Variants in PRKG1 observed in about 807,000 individuals in gnomAD.
The protein encoded by PRKG1 is cGMP-dependent protein kinase 1.
PRKG1 carries 35 observed loss-of-function variants against 88.1 expected under a neutral mutation model. The ratio of observed to expected loss-of-function variants is 0.40; its 90% CI spans 0.30 to 0.53. The LOEUF (loss-of-function observed/expected upper bound fraction) is 0.53, where lower values mean the gene tolerates loss of function less well. Among genes scored for constraint, PRKG1 ranks in the 20% least tolerant of loss-of-function variants. PRKG1 has a pLI of 0.59. For missense variants in PRKG1, 540 were observed against 839.8 expected (o/e 0.64, Z 4.41); for synonymous variants, 303 against 292.5 (o/e 1.04, Z -0.37).
chr10:51,870,869 G>T (rs535072053), intron 4 of PRKG1, among the ~76,000 whole-genome samples: 1 of 152,162 alleles, frequency 6.6e-6, no homozygotes, highest in South Asian at 2.1e-4. Context: ...AAAATTTCTG[G>T]ATTTGTAACA....
chr10:51,294,230 C>G (rs914987666), intron 2 of PRKG1, among the ~76,000 whole-genome samples: 1 of 152,036 alleles, frequency 6.6e-6, no homozygotes, highest in African/African-American at 2.4e-5. Flanking sequence ...GATGCATTCT[C>G]ACTTGTATAT....
At chr10:52,151,940 C>T (rs930071724) in intron 8 of PRKG1, among the ~76,000 whole-genome samples, 1 of 152,134 alleles carries the variant, frequency 6.6e-6, no homozygotes. Context: ...TAATTACCCT[C>T]ATTTAATGTC....
chr10:51,307,075 A>G (rs918418894), intron 2 of PRKG1, among the ~76,000 whole-genome samples: 29 of 152,084 alleles, frequency 1.9e-4, no homozygotes, highest in Non-Finnish European at 3.7e-4. Context: ...AGAAATATCA[A>G]CAAACTTGCA....
intron 5 of PRKG1, among the ~76,000 whole-genome samples, chr10:51,990,912 G>A (rs1456501196): frequency 6.6e-6 from 1 of 152,088 alleles, no homozygotes; most frequent in Admixed American, 6.6e-5. Context: ...TTTTATAGCT[G>A]CATAGTATTC....
At chr10:52,101,904 G>A (rs555630902) in intron 7 of PRKG1, among the ~76,000 whole-genome samples, 1 of 152,292 alleles carries the variant, frequency 6.6e-6, no homozygotes, top group East Asian at 1.9e-4. Flanking sequence ...AAGAAGAGGA[G>A]TCAGCACCAG....
chr10:51,615,659 TC>T lies in PRKG1; in HGVS notation c.592+147824del, dbSNP rs200757153. On this transcript the variant is annotated intron_variant, in intron 3 of 17. Transcript: ENST00000373980. Reference sequence around the variant, plus strand: ...TTCACTTCTAGAAACTCTGCTTGGTTCTTTTTTTTTTAATGATGCTTGTCTC... The same window carrying T: ...TTCACTTCTAGAAACTCTGCTTGGTTTTTTTTTTTTAATGATGCTTGTCTC... Among the ~76,000 whole-genome samples the T allele has an allele frequency of 1.2e-3, 181 of 149,300 alleles. 2 individuals are homozygous for T. The highest frequency in any genetic ancestry group is 0.01 in the Middle Eastern group (3 of 292).
At chr10:52,028,003 G>T (rs1845385537) in intron 5 of PRKG1, among the ~76,000 whole-genome samples, 1 of 152,096 alleles carries the variant, frequency 6.6e-6, no homozygotes, top group Non-Finnish European at 1.5e-5. Context: ...TGGCCAGGCT[G>T]GTCTCGAACT....
chr10:52,095,931 G>T (rs1471404445), intron 7 of PRKG1, among the ~76,000 whole-genome samples: 3 of 152,204 alleles, frequency 2.0e-5, no homozygotes, highest in South Asian at 2.1e-4. Flanking sequence ...TGGGACCATA[G>T]CTGTGAGTGG....
intron 5 of PRKG1, among the ~76,000 whole-genome samples, chr10:52,030,263 C>T (rs1218979468): frequency 1.3e-5 from 2 of 152,162 alleles, no homozygotes; most frequent in Admixed American, 1.3e-4. Flanking sequence ...ATCTTCTATC[C>T]CACTAGCTAC....
At chr10:51,644,498 G>T (rs1447524688) in intron 3 of PRKG1, among the ~76,000 whole-genome samples, 1 of 152,056 alleles carries the variant, frequency 6.6e-6, no homozygotes, top group African/African-American at 2.4e-5. Context: ...ATTCACTTTA[G>T]TTCTTATTAA....
intron 3 of PRKG1, among the ~76,000 whole-genome samples, chr10:51,635,924 C>T (rs546900967): frequency 1.0e-3 from 156 of 152,088 alleles, no homozygotes; most frequent in African/African-American, 3.4e-3. Flanking sequence ...GTTAATAGAG[C>T]AGTGCAAAAA....
At chr10:52,164,504 A>C (rs1361989198) in intron 9 of PRKG1, among the ~76,000 whole-genome samples, 1 of 152,146 alleles carries the variant, frequency 6.6e-6, no homozygotes, top group Admixed American at 6.5e-5. Context: ...AGAAGTCTCT[A>C]ATCTTATGTA....
intron 7 of PRKG1, 88 bp from the exon 8 acceptor site, chr10:52,133,752 T>C (rs912857182): frequency 1.8e-5 from 20 of 1,094,570 alleles, no homozygotes; most frequent in Non-Finnish European, 2.6e-5. Flanking sequence ...GTTTATATAA[T>C]GTAAATTTTT....
intron 2 of PRKG1, among the ~76,000 whole-genome samples, chr10:51,382,505 C>A (rs1296085658): frequency 6.6e-6 from 1 of 152,174 alleles, no homozygotes; most frequent in African/African-American, 2.4e-5. Flanking sequence ...AACATATCGT[C>A]AACTTTACAC....
At chr10:51,373,700 G>A (rs1197115755) in intron 2 of PRKG1, among the ~76,000 whole-genome samples, 2 of 152,122 alleles carry the variant, frequency 1.3e-5, no homozygotes, top group African/African-American at 2.4e-5. Flanking sequence ...ACACACCACA[G>A]AATACTATGC....
chr10:51,502,519 A>G (rs1490721489), intron 3 of PRKG1, among the ~76,000 whole-genome samples: 3 of 152,160 alleles, frequency 2.0e-5, no homozygotes, highest in Non-Finnish European at 4.4e-5. Flanking sequence ...CCAGTTCCCT[A>G]GGGTTCAGAA....
intron 1 of PRKG1, among the ~76,000 whole-genome samples, chr10:51,003,935 C>T (rs1213362519): frequency 2.0e-5 from 3 of 152,100 alleles, no homozygotes; most frequent in Non-Finnish European, 2.9e-5. Context: ...CCATAGTATT[C>T]ATGTACCTCA....
At chr10:51,875,086 T>C (rs2132865909) in intron 4 of PRKG1, among the ~76,000 whole-genome samples, 1 of 152,198 alleles carries the variant, frequency 6.6e-6, no homozygotes, top group African/African-American at 2.4e-5. Context: ...GAAGCCTGCT[T>C]GATTAGAAGA....
At chr10:52,084,056 G>A (rs1174182804) in intron 7 of PRKG1, among the ~76,000 whole-genome samples, 1 of 151,978 alleles carries the variant, frequency 6.6e-6, no homozygotes, top group African/African-American at 2.4e-5. Flanking sequence ...AAAGAATATA[G>A]ACAGGACTCT....
Sources: allele counts gnomAD v4.1 joint callset (sites outside exome capture counted in the v4.1 genomes callset), GRCh38; gene constraint gnomAD v4.1.1; transcripts MANE v1.5; gene names NCBI Gene and HGNC (gene_info 2026-07-23, HGNC 2026-07-21).